The following SLCO6A1 variants were observed in gnomAD, a reference collection of about 807,000 sequenced individuals.
SLCO6A1 encodes the protein cancer/testis antigen 48.
Under a neutral mutation model 72.7 loss-of-function variants are expected in SLCO6A1, and 65 were observed. The observed-to-expected ratio is 0.89, with a 90% CI of 0.73 to 1.10. The LOEUF (loss-of-function observed/expected upper bound fraction) is 1.10, where lower values mean the gene tolerates loss of function less well. Ranked by LOEUF, SLCO6A1 falls within the 50% of genes least tolerant of loss-of-function variation. The probability of loss-of-function intolerance (pLI) is 0.00; values close to 1 mark genes in which losing one functional copy is unlikely to be tolerated. For synonymous variants in SLCO6A1, 314 were observed against 298.2 expected, an observed-to-expected ratio of 1.05 and a Z score of -0.55; for missense variants, 874 against 872.6, an observed-to-expected ratio of 1.00 and a Z score of -0.02.
chr5:102,417,913 T>A (rs955572877), intron 8 of SLCO6A1, among the ~76,000 whole-genome samples: 2 of 152,016 alleles, frequency 1.3e-5, no homozygotes, highest in African/African-American at 4.8e-5. Flanking sequence ...CAGAATCACT[T>A]GAACCCTGAA....
chr5:102,378,696 GTTCTT>G (rs1377888022), intron 12 of SLCO6A1, among the ~76,000 whole-genome samples: 2 of 152,046 alleles, frequency 1.3e-5, no homozygotes, highest in African/African-American at 2.4e-5. Flanking sequence ...ATGTAGTTGT[GTTCTT>G]TTCATTTTCA....
At chr5:102,498,447 A>G (rs1753009149) in intron 1 of SLCO6A1, 40 bp downstream of exon 1, 2 of 1,572,956 alleles carry the variant, frequency 1.3e-6, no homozygotes, top group Non-Finnish European at 1.7e-6. Context: ...GTGCGGCCCC[A>G]GCTGCCCTCG....
intron 11 of SLCO6A1, 36 bp from the exon 12 acceptor site, chr5:102,388,861 A>G (rs746960884): frequency 1.3e-6 from 2 of 1,576,606 alleles, no homozygotes; most frequent in Non-Finnish European, 1.7e-6. Flanking sequence ...TTCTTTGTGA[A>G]AACACTATTC....
At chr5:102,435,293 C>T (rs996297359) in intron 7 of SLCO6A1, among the ~76,000 whole-genome samples, 27 of 152,108 alleles carry the variant, frequency 1.8e-4, no homozygotes, top group African/African-American at 6.0e-4. Context: ...AATTTCAATG[C>T]ATGTTTGTTG....
intron 1 of SLCO6A1, among the ~76,000 whole-genome samples, chr5:102,487,227 T>C (rs916699446): frequency 5.3e-5 from 8 of 152,176 alleles, no homozygotes; most frequent in African/African-American, 9.6e-5. Context: ...AAAATCACCA[T>C]TAACTTCAGC....
intron 6 of SLCO6A1, among the ~76,000 whole-genome samples, chr5:102,439,076 G>A (rs1749702980): frequency 6.6e-6 from 1 of 151,676 alleles, no homozygotes; most frequent in East Asian, 1.9e-4. Context: ...GAGAAAAATA[G>A]GTAAATTATT....
chr5:102,392,327 TAA>T (rs1481126163), intron 10 of SLCO6A1, among the ~76,000 whole-genome samples: 3 of 151,960 alleles, frequency 2.0e-5, no homozygotes, highest in African/African-American at 7.2e-5. Flanking sequence ...GCAGATTCAC[TAA>T]AGAGAGTTTA....
chr5:102,417,272 T>C (rs929015602), intron 8 of SLCO6A1, among the ~76,000 whole-genome samples: 3 of 152,016 alleles, frequency 2.0e-5, no homozygotes, highest in Non-Finnish European at 4.4e-5. Flanking sequence ...TATAGTTGGG[T>C]CTTCTTTTTT....
At chr5:102,481,555 C>G (rs1752194996) in intron 1 of SLCO6A1, among the ~76,000 whole-genome samples, 1 of 152,202 alleles carries the variant, frequency 6.6e-6, no homozygotes, top group Non-Finnish European at 1.5e-5. Context: ...TCCCATTCCC[C>G]TTGCAAATAG....
Position 102,475,775 on chromosome 5 carries a change from G to C in SLCO6A1, c.821C>G (p.Ser274Ter). The C allele has an allele frequency of 6.2e-7, 1 of 1,607,430 alleles. No homozygotes were observed. The highest frequency in any genetic ancestry group is 2.2e-5 in the East Asian group (1 of 44,656). The change falls in exon 4 of 14, where the codon TCA becomes TGA. Residue 274 changes from serine (S) to a stop codon, truncating the protein, a stop_gained. Coordinates refer to ENST00000506729, the MANE Select transcript of SLCO6A1 (RefSeq NM_173488.5). LOFTEE classifies it high-confidence loss of function. Reference sequence around the variant, plus strand: ...ATAACCCAGAGCATATCCAATCATTGATGTACATTCTGCAATACCTGTAAA... The same window carrying C: ...ATAACCCAGAGCATATCCAATCATTCATGTACATTCTGCAATACCTGTAAA... Reference protein sequence around the residue: ...GIYLGIAECTSMIGYALGYVL... With the variant: ...GIYLGIAECT
At chr5:102,389,979 A>G (rs1437704534) in intron 11 of SLCO6A1, among the ~76,000 whole-genome samples, 1 of 152,142 alleles carries the variant, frequency 6.6e-6, no homozygotes, top group Non-Finnish European at 1.5e-5. Flanking sequence ...GCCTCAAGCC[A>G]TCCTCCCTCC....
intron 12 of SLCO6A1, among the ~76,000 whole-genome samples, chr5:102,380,515 G>A (rs1466930242): frequency 6.6e-6 from 1 of 151,962 alleles, no homozygotes; most frequent in Non-Finnish European, 1.5e-5. Context: ...ATAAAAATAT[G>A]TGTGCCAAAT....
At chr5:102,489,793 C>T (rs542221176) in intron 1 of SLCO6A1, among the ~76,000 whole-genome samples, 1 of 152,224 alleles carries the variant, frequency 6.6e-6, no homozygotes, top group South Asian at 2.1e-4. Flanking sequence ...ATATTTGCAT[C>T]CCCATGTTTA....
At position 102,480,415 on chromosome 5, in the gene SLCO6A1, T is replaced by C. The variant is rs748531119; in HGVS notation, c.378A>G (p.Ile126Met). The C allele has an allele frequency of 8.1e-6, 13 of 1,612,542 alleles. No homozygotes were observed. The East Asian group carries it at 8.9e-5, about 11-fold the overall frequency. The part of the protein sequence containing the change: ...LICQGVVFGL[I>M]DVSIGDFQKE... Reference sequence around the variant, plus strand: ...TCTGAAAATCGCCAATGCTGACATCTATAAGACCAAACACCACACCTAAAA... The same window carrying C: ...TCTGAAAATCGCCAATGCTGACATCCATAAGACCAAACACCACACCTAAAA... Residue 126 changes from isoleucine (I) to methionine (M), a missense_variant, in exon 2 of 14, where the codon ATA (isoleucine) becomes ATG (methionine). Physicochemically the swap from Ile to Met is conservative, Grantham distance 10 (BLOSUM62 1). Coordinates refer to ENST00000506729, the MANE Select transcript of SLCO6A1 (RefSeq NM_173488.5).
At chr5:102,433,217 C>A (rs952694520) in intron 7 of SLCO6A1, among the ~76,000 whole-genome samples, 7 of 152,272 alleles carry the variant, frequency 4.6e-5, no homozygotes, top group Middle Eastern at 3.4e-3. Context: ...CAACGTTCCC[C>A]TGAATCTTGA....
chr5:102,495,563 A>G (rs555790597), intron 1 of SLCO6A1, among the ~76,000 whole-genome samples: 2 of 152,262 alleles, frequency 1.3e-5, no homozygotes, highest in South Asian at 4.1e-4. Flanking sequence ...TCATTGCACT[A>G]CAGCGTGGGT....
intron 7 of SLCO6A1, among the ~76,000 whole-genome samples, chr5:102,430,298 T>C (rs1323717041): frequency 2.0e-5 from 3 of 152,276 alleles, no homozygotes; most frequent in South Asian, 2.1e-4. Flanking sequence ...CCTTCATTTC[T>C]TTCTCTTGTC....
chr5:102,373,626 C>T, intron 12 of SLCO6A1, 132 bp from the exon 13 acceptor site: 1 of 445,744 alleles, frequency 2.2e-6, no homozygotes. Flanking sequence ...TTTTAGAATG[C>T]AATTAATGCC....
intron 2 of SLCO6A1, 59 bp downstream of exon 2, chr5:102,480,118 T>C (rs1752111144): frequency 6.8e-7 from 1 of 1,463,334 alleles, no homozygotes; most frequent in Non-Finnish European, 9.2e-7. Flanking sequence ...TTAAGTTCCT[T>C]GAGCCAAGGT....
Sources: gnomAD v4.1 joint callset for allele counts (sites outside exome capture counted in the v4.1 genomes callset) on GRCh38, gnomAD v4.1.1 for gene constraint, MANE v1.5 for transcripts, NCBI Gene and HGNC (gene_info 2026-07-23, HGNC 2026-07-21) for gene names.